The following RYR2 variants were observed in gnomAD, a reference collection of about 807,000 sequenced individuals.
RYR2 encodes cardiac muscle ryanodine receptor-calcium release channel.
In RYR2, 227 loss-of-function variants were observed where a neutral mutation model predicts 601.1. The ratio of observed to expected loss-of-function variants is 0.38; its 90% CI spans 0.34 to 0.42. The LOEUF (loss-of-function observed/expected upper bound fraction) is 0.42, where lower values mean the gene tolerates loss of function less well. Among genes scored for constraint, RYR2 ranks in the 10% least tolerant of loss-of-function variants. The probability of loss-of-function intolerance (pLI) is 1.00; values close to 1 mark genes in which losing one functional copy is unlikely to be tolerated. For synonymous variants in RYR2, 2,223 were observed against 2,175.1 expected (o/e 1.02, Z -0.61); for missense variants, 4,646 against 6,156.5 (o/e 0.75, Z 8.21).
At chr1:237,691,243 A>G (rs1029721721) in intron 63 of RYR2, among the ~76,000 whole-genome samples, 5 of 152,196 alleles carry the variant, frequency 3.3e-5, no homozygotes, top group Non-Finnish European at 7.3e-5. Context: ...GGTTGACAAG[A>G]AAATACTTGA....
intron 3 of RYR2, among the ~76,000 whole-genome samples, chr1:237,349,371 G>A (rs1016948478): frequency 6.6e-6 from 1 of 152,084 alleles, no homozygotes; most frequent in East Asian, 1.9e-4. Context: ...AAAAGTGAGA[G>A]TGAAGTAAAG....
intron 25 of RYR2, among the ~76,000 whole-genome samples, chr1:237,537,031 A>G (rs1346480713): frequency 6.6e-6 from 1 of 152,236 alleles, no homozygotes; most frequent in East Asian, 1.9e-4. Context: ...ACTCAACTTC[A>G]GTACTAATCA....
intron 1 of RYR2, among the ~76,000 whole-genome samples, chr1:237,081,728 C>T (rs1309554467): frequency 2.0e-5 from 3 of 152,082 alleles, no homozygotes; most frequent in African/African-American, 7.2e-5. Flanking sequence ...CCTCGCCCTT[C>T]CCAGGAGACT....
At chr1:237,763,462 A>C (rs1693593447) in intron 84 of RYR2, among the ~76,000 whole-genome samples, 1 of 152,214 alleles carries the variant, frequency 6.6e-6, no homozygotes, top group African/African-American at 2.4e-5. Context: ...ATTCCTTTGA[A>C]AATCTGACAG....
chr1:237,780,930 A>G (rs1426226417), intron 88 of RYR2, among the ~76,000 whole-genome samples: 1 of 152,262 alleles, frequency 6.6e-6, no homozygotes, highest in African/African-American at 2.4e-5. Context: ...AGGCTTTTCA[A>G]ATAAAAGATA....
intron 6 of RYR2, among the ~76,000 whole-genome samples, chr1:237,371,667 A>G (rs1250048086): frequency 1.3e-5 from 2 of 152,190 alleles, no homozygotes; most frequent in Non-Finnish European, 2.9e-5. Context: ...ACACTATCCA[A>G]CTGGATTAAG....
chr1:237,808,948 T>C lies in RYR2; in HGVS notation c.14346T>C (p.Thr4782=), dbSNP rs1660962830. 2 of 1,613,224 alleles carry C rather than the reference T, an allele frequency of 1.2e-6. No individual in the cohort carries two copies. The highest frequency in any genetic ancestry group is 1.7e-6 in the Non-Finnish European group (2 of 1,179,170). ...GLLAVVVYLY[T]VVAFNFFRKF... ...TAGCTGTTGTTGTATACCTATACAC[T>C]GTGGTGGCATTCAATTTTTTCCGAA... The change falls in exon 100 of 105, where the codon ACT becomes ACC. Residue 4782 remains threonine, a synonymous_variant. Coordinates refer to ENST00000366574, the MANE Select transcript of RYR2 (RefSeq NM_001035.3).
intron 63 of RYR2, among the ~76,000 whole-genome samples, chr1:237,693,357 A>G (rs1687118641): frequency 6.6e-6 from 1 of 152,216 alleles, no homozygotes; most frequent in Non-Finnish European, 1.5e-5. Context: ...TCCAGGAACT[A>G]TTTGAAAAGG....
chr1:237,823,048 C>A (rs909188667), intron 101 of RYR2, among the ~76,000 whole-genome samples: 2 of 152,068 alleles, frequency 1.3e-5, no homozygotes, highest in Non-Finnish European at 2.9e-5. Context: ...TTCTTAGAGA[C>A]CTACAAAGAG....
rs560831327 is a variant in RYR2, at chr1:237,108,456, A to T, written c.48+65887A>T. The stretch of plus-strand genomic sequence containing the variant: ...TGAATTCCTGGAATGAGGCTGATGT[A>T]CCGCAGAGGCCTCCCTGGGAGCAGG... On this transcript the variant is annotated intron_variant, in intron 1 of 104. Transcript: ENST00000366574. 9.2e-5 allele frequency among the ~76,000 whole-genome samples: 14 copies of T among 152,362 alleles called. No homozygotes were observed. In the South Asian group the frequency reaches 2.9e-3, roughly 32 times the overall value.
intron 63 of RYR2, among the ~76,000 whole-genome samples, chr1:237,698,761 A>G (rs1204184320): frequency 1.3e-5 from 2 of 152,182 alleles, no homozygotes; most frequent in Admixed American, 1.3e-4. Flanking sequence ...ATTTGATGAG[A>G]CATGCTTTAT....
At chr1:237,349,573 A>T (rs191645365) in intron 3 of RYR2, among the ~76,000 whole-genome samples, 1 of 152,314 alleles carries the variant, frequency 6.6e-6, no homozygotes, top group African/African-American at 2.4e-5. Context: ...GGTTTAAAAT[A>T]TATGTGCAAT....
At chr1:237,061,269 CATCTATCATCTATCT>C (rs869181785) in intron 1 of RYR2, among the ~76,000 whole-genome samples, 2 of 76,026 alleles carry the variant, frequency 2.6e-5, no homozygotes, top group East Asian at 6.5e-4. Flanking sequence ...TCTATCTATC[CATCTATCATCTATCT>C]ATCTATCTAT....
In RYR2 at chr1:237,130,253, G is replaced by A. The variant is rs191715998; in HGVS notation, c.48+87684G>A. On this transcript the variant is annotated intron_variant, in intron 1 of 104. Transcript: ENST00000366574. ...GAATTATACCTTTATAAAACTGGGGGAAGAGTAAAAAAGAGAGTATGGAGG... is the reference window on the plus strand; with the variant it reads ...GAATTATACCTTTATAAAACTGGGGAAAGAGTAAAAAAGAGAGTATGGAGG... Among the ~76,000 whole-genome samples the A allele has an allele frequency of 1.4e-3, 213 of 152,216 alleles. 2 individuals carry two copies. Among genetic ancestry groups the A allele is most frequent in the African/African-American group, 4.8e-3 (200 of 41,526 alleles).
chr1:237,235,740 C>A (rs918760793), intron 1 of RYR2, among the ~76,000 whole-genome samples: 1 of 152,204 alleles, frequency 6.6e-6, no homozygotes, highest in African/African-American at 2.4e-5. Context: ...GCCTTCTCTT[C>A]ATCTTTTATG....
intron 1 of RYR2, among the ~76,000 whole-genome samples, chr1:237,091,194 G>C (rs1201585992): frequency 6.6e-6 from 1 of 152,058 alleles, no homozygotes; most frequent in Admixed American, 6.5e-5. Context: ...CTAACTACTG[G>C]GGGGTTCTGT....
intron 14 of RYR2, among the ~76,000 whole-genome samples, chr1:237,454,053 A>ATGAAGCC (rs1195015246): frequency 6.6e-6 from 1 of 152,210 alleles, no homozygotes; most frequent in East Asian, 1.9e-4. Flanking sequence ...ATCTGGGAAG[A>ATGAAGCC]TGAAGCCTGA....
intron 51 of RYR2, among the ~76,000 whole-genome samples, chr1:237,651,797 G>A (rs1422660131): frequency 2.0e-5 from 3 of 152,164 alleles, no homozygotes; most frequent in Non-Finnish European, 4.4e-5. Context: ...CAGCACTTTG[G>A]GAGGCCAAGG....
At chr1:237,090,696 G>A (rs948242762) in intron 1 of RYR2, among the ~76,000 whole-genome samples, 2 of 152,232 alleles carry the variant, frequency 1.3e-5, no homozygotes, top group African/African-American at 4.8e-5. Context: ...GGTGTCCTTG[G>A]TTATAAATGA....
Sources: allele counts gnomAD v4.1 joint callset (sites outside exome capture counted in the v4.1 genomes callset), GRCh38; gene constraint gnomAD v4.1.1; transcripts MANE v1.5; gene names NCBI Gene and HGNC (gene_info 2026-07-23, HGNC 2026-07-21).